DMXL1: variants seen among roughly 807,000 people sequenced by gnomAD.
The protein encoded by DMXL1 is dmX-like protein 1.
DMXL1 carries 99 observed loss-of-function variants against 319.2 expected under a neutral mutation model. The observed-to-expected ratio is 0.31, with a 90% CI of 0.26 to 0.37. The LOEUF is 0.37. DMXL1 is among the 10% of genes least tolerant of loss of function. The probability of loss-of-function intolerance (pLI) is 1.00; values close to 1 mark genes in which losing one functional copy is unlikely to be tolerated. For synonymous variants in DMXL1, 1,385 were observed against 1,235.2 expected (o/e 1.12, Z -2.54); for missense variants, 3,745 against 3,595.6 (o/e 1.04, Z -1.06).
intron 5 of DMXL1, among the ~76,000 whole-genome samples, chr5:119,111,949 C>A (rs186031715): frequency 3.0e-4 from 46 of 152,088 alleles, no homozygotes; most frequent in African/African-American, 8.0e-4. Flanking sequence ...TAAAGCAGTA[C>A]AGTTGATATT....
rs1237084172 is a variant in DMXL1 at position 119,148,723 on chromosome 5, A to C, written c.2912-16A>C. The C allele has an allele frequency of 5.0e-6, 8 of 1,588,808 alleles. No homozygotes were observed. In the East Asian group the frequency reaches 1.8e-4, roughly 36 times the overall value. On this transcript the variant is annotated splice_polypyrimidine_tract_variant and intron_variant, in intron 17 of 43. Transcript: ENST00000539542. ...ACCAAATTTGACATTTTGTTAACGG[A>C]TTATTTTTATTTTAGGACATCTGAG...
chr5:119,106,663 G>A (rs1003498158), intron 4 of DMXL1, among the ~76,000 whole-genome samples: 1 of 152,186 alleles, frequency 6.6e-6, no homozygotes, highest in Non-Finnish European at 1.5e-5. Context: ...TGCGAGATTT[G>A]TCTGCTAGCA....
At chr5:119,152,774 T>G (rs1216545174) in intron 19 of DMXL1, among the ~76,000 whole-genome samples, 4 of 152,186 alleles carry the variant, frequency 2.6e-5, no homozygotes, top group African/African-American at 9.6e-5. Context: ...AGAGCTGACT[T>G]TCAGCATTAT....
At chr5:119,082,907 C>G (rs1355381982) in intron 1 of DMXL1, among the ~76,000 whole-genome samples, 1 of 152,328 alleles carries the variant, frequency 6.6e-6, no homozygotes, top group African/African-American at 2.4e-5. Flanking sequence ...TCAGTCTGCT[C>G]TTTATGAGAT....
At chr5:119,142,419 C>T (rs1289195128) in intron 13 of DMXL1, among the ~76,000 whole-genome samples, 1 of 148,142 alleles carries the variant, frequency 6.8e-6, no homozygotes, top group Non-Finnish European at 1.5e-5. Flanking sequence ...TGGCAACAAA[C>T]ATGATAAAAA....
At chr5:119,240,160 C>G (rs1396291662) in intron 41 of DMXL1, among the ~76,000 whole-genome samples, 2 of 152,044 alleles carry the variant, frequency 1.3e-5, no homozygotes, top group African/African-American at 2.4e-5. Flanking sequence ...GTAGTCCCAG[C>G]TACTCGGGAC....
intron 34 of DMXL1, among the ~76,000 whole-genome samples, chr5:119,208,645 C>T (rs1193178509): frequency 6.6e-6 from 1 of 151,954 alleles, no homozygotes; most frequent in African/African-American, 2.4e-5. Context: ...GGAGGGTTAA[C>T]ATCATTTTGG....
At chr5:119,222,203 C>G (rs1264214101) in intron 37 of DMXL1, among the ~76,000 whole-genome samples, 1 of 152,052 alleles carries the variant, frequency 6.6e-6, no homozygotes, top group Non-Finnish European at 1.5e-5. Context: ...GTTATTTACT[C>G]GTATTTAAAC....
intron 1 of DMXL1, among the ~76,000 whole-genome samples, chr5:119,074,534 A>G (rs1217524919): frequency 6.6e-6 from 1 of 152,242 alleles, no homozygotes; most frequent in Non-Finnish European, 1.5e-5. Context: ...CAGGTTTTAA[A>G]TGGAAATGAA....
At chr5:119,148,454 A>C (rs1012515599) in intron 17 of DMXL1, among the ~76,000 whole-genome samples, 1 of 152,130 alleles carries the variant, frequency 6.6e-6, no homozygotes, top group Non-Finnish European at 1.5e-5. Flanking sequence ...ATTGAAGTAA[A>C]TTATCTCAGA....
intron 42 of DMXL1, among the ~76,000 whole-genome samples, chr5:119,243,501 G>A (rs1271168298): frequency 2.0e-5 from 3 of 152,048 alleles, no homozygotes; most frequent in Non-Finnish European, 4.4e-5. Flanking sequence ...GCTATATGCA[G>A]ATTTTTTTCC....
At chr5:119,091,261 C>T (rs1754747986) in intron 1 of DMXL1, among the ~76,000 whole-genome samples, 1 of 152,052 alleles carries the variant, frequency 6.6e-6, no homozygotes, top group Admixed American at 6.6e-5. Context: ...GGCTGGAGTG[C>T]AGTGGTGAGA....
chr5:119,119,258 T>TA (rs772249500), intron 8 of DMXL1, among the ~76,000 whole-genome samples: 3 of 152,206 alleles, frequency 2.0e-5, no homozygotes, highest in Admixed American at 6.5e-5. Context: ...TTGGCTGAAG[T>TA]AACATGAAGT....
At position 119,151,976 on chromosome 5, in the gene DMXL1, C is replaced by A. The variant is rs1413838963; in HGVS notation, c.4642C>A (p.Arg1548=). The A allele has an allele frequency of 6.2e-7, 1 of 1,612,722 alleles. No individual in the cohort carries two copies. Among genetic ancestry groups the A allele is most frequent in the South Asian group, 1.1e-5 (1 of 90,986 alleles). The change falls in exon 19 of 44, where the codon CGA becomes AGA. Residue 1548 remains arginine (R), a synonymous_variant. Transcript: ENST00000539542. ...ECGLKFLLAV[R]LHTFLTTSLP... is the part of the protein sequence containing the mutation. ...TGGGTTAAAATTTCTTTTGGCTGTT[C>A]GACTCCATACCTTTCTTACAACTTC...
intron 22 of DMXL1, among the ~76,000 whole-genome samples, chr5:119,167,192 C>G (rs1417364640): frequency 6.6e-6 from 1 of 152,220 alleles, no homozygotes; most frequent in Non-Finnish European, 1.5e-5. Context: ...ACATTTCTGT[C>G]TCAAATTGCC....
chr5:119,144,340 A>G (rs1166894497), intron 14 of DMXL1, among the ~76,000 whole-genome samples, 196 bp from the exon 15 acceptor site: 3 of 151,864 alleles, frequency 2.0e-5, no homozygotes, highest in Non-Finnish European at 4.4e-5. Flanking sequence ...ATTGTAATGA[A>G]AGCAAATCAT....
rs530373757 is a variant in DMXL1 at position 119,177,937 on chromosome 5, A to C, written c.6887-59A>C. The C allele has an allele frequency of 3.4e-5, 49 of 1,424,868 alleles. No individual in the cohort carries two copies. The African/African-American group carries it at 7.1e-4, about 21-fold the overall frequency. 88.3% of individuals were successfully genotyped at this position (1,424,868 alleles called of 1,614,324 possible). A position where few individuals can be genotyped will look rare whatever the true frequency, so the allele number is the denominator to read the frequency against. On this transcript the variant is annotated intron_variant, in intron 27 of 43. Coordinates refer to ENST00000539542, the MANE Select transcript of DMXL1 (RefSeq NM_001290321.3). ...TTCCTGAAATTAGAAAAATATAGTT[A>C]ATTTTTAAAATTTTAAAAATTTATA...
At chr5:119,141,773 C>A (rs1174524451) in intron 13 of DMXL1, among the ~76,000 whole-genome samples, 1 of 152,076 alleles carries the variant, frequency 6.6e-6, no homozygotes, top group African/African-American at 2.4e-5. Flanking sequence ...TTTTAAAAGT[C>A]ATATGGAACC....
intron 26 of DMXL1, among the ~76,000 whole-genome samples, chr5:119,176,646 A>T (rs189185577): frequency 1.3e-5 from 2 of 152,074 alleles, no homozygotes; most frequent in African/African-American, 4.8e-5. Context: ...ATTTACACCA[A>T]TAAATGCGCT....
Sources: allele counts gnomAD v4.1 joint callset (sites outside exome capture counted in the v4.1 genomes callset), GRCh38; gene constraint gnomAD v4.1.1; transcripts MANE v1.5; gene names NCBI Gene and HGNC (gene_info 2026-07-23, HGNC 2026-07-21).